The following PDE11A variants were observed in gnomAD, a reference collection of about 807,000 sequenced individuals.
PDE11A encodes the protein dual 3',5'-cyclic-AMP and -GMP phosphodiesterase 11A.
In PDE11A, 100 loss-of-function variants were observed where a neutral mutation model predicts 100.5. The observed-to-expected ratio is 1.00, with a 90% CI of 0.85 to 1.18. The LOEUF (loss-of-function observed/expected upper bound fraction) is 1.18. Among genes scored for constraint, PDE11A ranks in the 50% most tolerant of loss-of-function variants. The pLI, the probability that PDE11A is intolerant of heterozygous loss-of-function variation, is 0.00. For missense variants in PDE11A, 1,141 were observed against 1,152.6 expected, an observed-to-expected ratio of 0.99 and a Z score of 0.15; for synonymous variants, 381 against 420.8, an observed-to-expected ratio of 0.91 and a Z score of 1.16.
intron 9 of PDE11A, among the ~76,000 whole-genome samples, chr2:177,798,210 C>A (rs138735182): frequency 4.5e-4 from 68 of 152,306 alleles, no homozygotes; most frequent in Admixed American, 1.2e-3. Context: ...GCCTTCTATG[C>A]AAAGCAGTTA....
intron 1 of PDE11A, among the ~76,000 whole-genome samples, chr2:178,059,375 A>G (rs1158796781): frequency 6.6e-6 from 1 of 152,136 alleles, no homozygotes; most frequent in African/African-American, 2.4e-5. Flanking sequence ...AAGTGACTCT[A>G]TGGGGGCTTC....
At position 177,651,185 on chromosome 2, in the gene PDE11A, T is replaced by C. The variant is rs73038698; in HGVS notation, c.2646+12681A>G. On this transcript the variant is annotated intron_variant, in intron 19 of 19. Coordinates refer to ENST00000286063, the MANE Select transcript of PDE11A (RefSeq NM_016953.4). Reference sequence around the variant, plus strand: ...TACTAAGTGCTCAAAAGTGTTGTTATGGACTCACTACATCTTTGTGAGACA... The same window carrying C: ...TACTAAGTGCTCAAAAGTGTTGTTACGGACTCACTACATCTTTGTGAGACA... Among the ~76,000 whole-genome samples the C allele has an allele frequency of 2.8e-3, 427 of 152,338 alleles. 1 individual carries two copies. Among genetic ancestry groups the C allele is most frequent in the African/African-American group, 9.6e-3 (401 of 41,586 alleles).
intron 2 of PDE11A, among the ~76,000 whole-genome samples, chr2:177,910,252 A>T (rs1003797823): frequency 6.6e-6 from 1 of 152,242 alleles, no homozygotes; most frequent in Non-Finnish European, 1.5e-5. Flanking sequence ...TGACAGTATG[A>T]TCTATGGAGT....
chr2:178,001,687 C>T (rs1024069890), intron 2 of PDE11A, among the ~76,000 whole-genome samples: 3 of 152,178 alleles, frequency 2.0e-5, no homozygotes, highest in Non-Finnish European at 2.9e-5. Flanking sequence ...AATCCTGCCA[C>T]TGGGTCAAAG....
At chr2:177,640,133 G>A (rs912319900) in intron 19 of PDE11A, among the ~76,000 whole-genome samples, 1 of 152,144 alleles carries the variant, frequency 6.6e-6, no homozygotes, top group Non-Finnish European at 1.5e-5. Context: ...TTACCCAAGA[G>A]AATCAGAAAC....
At chr2:177,782,004 G>A (rs766548240) in intron 9 of PDE11A, among the ~76,000 whole-genome samples, 1 of 152,076 alleles carries the variant, frequency 6.6e-6, no homozygotes, top group Non-Finnish European at 1.5e-5. Flanking sequence ...GTTAATTTTA[G>A]TAACCACACT....
chr2:177,935,946 T>C (rs2085267104), intron 2 of PDE11A, among the ~76,000 whole-genome samples: 1 of 152,224 alleles, frequency 6.6e-6, no homozygotes, highest in Admixed American at 6.5e-5. Context: ...ATGATGTGTC[T>C]GGGAACATAA....
chr2:177,924,110 C>T (rs1030515415), intron 2 of PDE11A, among the ~76,000 whole-genome samples: 3 of 152,134 alleles, frequency 2.0e-5, no homozygotes, highest in African/African-American at 7.2e-5. Context: ...CTTAAAGAAA[C>T]ATCTGTAGAT....
chr2:177,749,458 C>CAT (rs1186277283), intron 10 of PDE11A, among the ~76,000 whole-genome samples: 1 of 152,074 alleles, frequency 6.6e-6, no homozygotes, highest in Admixed American at 6.5e-5. Context: ...GGTTAACAAA[C>CAT]ATTAGATTTA....
At chr2:177,870,632 C>A (rs931744840) in intron 5 of PDE11A, among the ~76,000 whole-genome samples, 5 of 152,180 alleles carry the variant, frequency 3.3e-5, no homozygotes, top group African/African-American at 1.2e-4. Context: ...AATCTACTTG[C>A]AAGTAATAAA....
intron 1 of PDE11A, among the ~76,000 whole-genome samples, chr2:178,046,054 T>C (rs982881382): frequency 6.6e-6 from 1 of 152,214 alleles, no homozygotes. Context: ...TTACTAAACC[T>C]ATTCAAGTCT....
intron 5 of PDE11A, among the ~76,000 whole-genome samples, chr2:177,871,520 T>C (rs1220139331): frequency 1.4e-5 from 2 of 142,250 alleles, no homozygotes; most frequent in Non-Finnish European, 3.0e-5. Context: ...GATGAGTCAG[T>C]AGTAAATTAT....
chr2:177,997,417 A>C, intron 2 of PDE11A: 1 of 827,558 alleles, frequency 1.2e-6, no homozygotes, highest in Non-Finnish European at 2.2e-6. Context: ...GCCCAATCTC[A>C]ACCTTTTATA....
At chr2:177,835,991 G>A (rs919026518) in intron 6 of PDE11A, among the ~76,000 whole-genome samples, 3 of 152,176 alleles carry the variant, frequency 2.0e-5, no homozygotes, top group Admixed American at 6.5e-5. Flanking sequence ...GAGCCTCCCC[G>A]ACGAGCGCTG....
intron 18 of PDE11A, among the ~76,000 whole-genome samples, chr2:177,664,760 C>A (rs1276120088): frequency 6.6e-6 from 1 of 152,138 alleles, no homozygotes; most frequent in African/African-American, 2.4e-5. Context: ...CTCCCTTGTG[C>A]CCTTACTTAT....
intron 2 of PDE11A, among the ~76,000 whole-genome samples, chr2:177,999,315 C>T (rs1011244903): frequency 3.3e-5 from 5 of 152,200 alleles, no homozygotes; most frequent in African/African-American, 1.2e-4. Context: ...TCTCTGTCTT[C>T]ATGACAAGGG....
At chr2:177,820,131 A>G in intron 7 of PDE11A, 89 bp downstream of exon 7, 1 of 752,166 alleles carries the variant, frequency 1.3e-6, no homozygotes, top group South Asian at 1.5e-5. Flanking sequence ...CCATAAAAAG[A>G]GGGAACACAT....
chr2:178,089,543 G>A (rs1365376866), intron 2 of PDE11A, among the ~76,000 whole-genome samples: 2 of 152,170 alleles, frequency 1.3e-5, no homozygotes, highest in African/African-American at 4.8e-5. Context: ...GAGGTGTGAG[G>A]AATTTTATCA....
intron 2 of PDE11A, among the ~76,000 whole-genome samples, chr2:177,973,421 G>A (rs2085799791): frequency 1.1e-4 from 2 of 18,904 alleles, no homozygotes; most frequent in African/African-American, 5.2e-4. Context: ...TCCCACACCT[G>A]GCTCAGAGGG....
Sources: allele counts gnomAD v4.1 joint callset (sites outside exome capture counted in the v4.1 genomes callset), GRCh38; gene constraint gnomAD v4.1.1; transcripts MANE v1.5; gene names NCBI Gene and HGNC (gene_info 2026-07-23, HGNC 2026-07-21).